Variants in DISP1 observed in about 807,000 individuals in gnomAD.
DISP1 encodes the protein protein dispatched homolog 1.
DISP1 carries 30 observed loss-of-function variants against 37.3 expected under a neutral mutation model. The ratio of observed to expected loss-of-function variants is 0.80; its 90% CI spans 0.60 to 1.09. The LOEUF (loss-of-function observed/expected upper bound fraction) is 1.09. DISP1 is among the 50% of genes least tolerant of loss of function. The probability of loss-of-function intolerance (pLI) is 0.00; values close to 1 mark genes in which losing one functional copy is unlikely to be tolerated. For missense variants in DISP1, 1,598 were observed against 1,879.5 expected (o/e 0.85, Z 2.77); for synonymous variants, 634 against 690.2 (o/e 0.92, Z 1.28).
chr1:222,944,596 T>A (rs9651261), intron 3 of DISP1, among the ~76,000 whole-genome samples: 64,528 of 152,020 alleles, frequency 0.42, 13,898 homozygotes, highest in Middle Eastern at 0.55. Flanking sequence ...GTAGAACATT[T>A]CTGTCACCCC....
In DISP1 at chr1:222,940,451, C is replaced by T. The variant is rs146524599; in HGVS notation, c.-17-2356C>T. Among the ~76,000 whole-genome samples the T allele has an allele frequency of 8.5e-4, 130 of 152,292 alleles. 2 individuals carry two copies. Among genetic ancestry groups the T allele is most frequent in the African/African-American group, 2.7e-3 (112 of 41,564 alleles). Reference sequence around the variant, plus strand: ...CTCCCACCACGCCCCACCTCCAACACTGAGGATTACAGTTCGACATGAGAT... The same window carrying T: ...CTCCCACCACGCCCCACCTCCAACATTGAGGATTACAGTTCGACATGAGAT... On this transcript the variant is annotated intron_variant, in intron 2 of 8. Coordinates refer to ENST00000675850, the MANE Select transcript of DISP1 (RefSeq NM_001377229.1).
chr1:222,905,269 G>A (rs1023990879), intron 1 of DISP1, among the ~76,000 whole-genome samples: 4 of 152,060 alleles, frequency 2.6e-5, no homozygotes, highest in Non-Finnish European at 5.9e-5. Context: ...AGTAATGCTC[G>A]GAATGGAAAA....
chr1:222,866,269 A>G (rs1669185522), intron 1 of DISP1, among the ~76,000 whole-genome samples: 1 of 151,658 alleles, frequency 6.6e-6, no homozygotes, highest in Non-Finnish European at 1.5e-5. Flanking sequence ...CTTGCCTTTT[A>G]TAGGAGAATT....
rs1209568214 is a variant in DISP1, at chr1:222,873,949, G to C, written c.-158-54481G>C. Among the ~76,000 whole-genome samples the C allele has an allele frequency of 2.0e-5, 3 of 152,208 alleles. No homozygotes were observed. The South Asian group carries it at 6.2e-4, about 32-fold the overall frequency. Reference sequence around the variant, plus strand: ...TCCATGTTTAGTGCTTCCTTCAGGAGCTCTTTTAGGGCAGGCCTGGTGGTG... The same window carrying C: ...TCCATGTTTAGTGCTTCCTTCAGGACCTCTTTTAGGGCAGGCCTGGTGGTG... On this transcript the variant is annotated intron_variant, in intron 1 of 8. Coordinates refer to ENST00000675850, the MANE Select transcript of DISP1 (RefSeq NM_001377229.1).
intron 1 of DISP1, among the ~76,000 whole-genome samples, chr1:222,843,096 A>G (rs1381804633): frequency 6.6e-6 from 1 of 152,042 alleles, no homozygotes; most frequent in African/African-American, 2.4e-5. Context: ...GAGGACTTTA[A>G]TCTCTCACTT....
At position 223,003,163 on chromosome 1, in the gene DISP1, C is replaced by G; in HGVS notation, c.1766C>G (p.Pro589Arg). The G allele has an allele frequency of 1.2e-6, 2 of 1,614,182 alleles. No homozygotes were observed. Among genetic ancestry groups the G allele is most frequent in the Non-Finnish European group, 1.7e-6 (2 of 1,180,042 alleles). ...DVWNYTKFDKPHAETSETVSI... is the reference protein window; with the variant it reads ...DVWNYTKFDKRHAETSETVSI... Reference sequence around the variant, plus strand: ...TGGAACTACACAAAATTTGATAAGCCTCATGCCGAAACCTCAGAAACAGTA... The same window carrying G: ...TGGAACTACACAAAATTTGATAAGCGTCATGCCGAAACCTCAGAAACAGTA... Residue 589 changes from proline (P) to arginine (R), a missense_variant, in exon 9 of 9, where the codon CCT becomes CGT. Transcript: ENST00000675850. This position sits in a 1 kb window ranked among gnomAD's most constrained non-coding sequence, Gnocchi z 4.3.
chr1:222,830,528 G>GT (rs901725375), intron 1 of DISP1, among the ~76,000 whole-genome samples: 3 of 151,980 alleles, frequency 2.0e-5, no homozygotes, highest in African/African-American at 7.2e-5. Context: ...CTATAGGCGC[G>GT]TGTCACCATG....
At chr1:222,986,750 G>A (rs1362341884) in intron 4 of DISP1, among the ~76,000 whole-genome samples, 2 of 152,168 alleles carry the variant, frequency 1.3e-5, no homozygotes, top group African/African-American at 2.4e-5. Context: ...ATACAGCAGT[G>A]CCCTGTAAAG....
chr1:222,923,226 C>T (rs1017175065), intron 1 of DISP1, among the ~76,000 whole-genome samples: 3 of 152,062 alleles, frequency 2.0e-5, no homozygotes. Context: ...AGTAAAGAGA[C>T]ATGGTGGTCA....
intron 2 of DISP1, among the ~76,000 whole-genome samples, chr1:222,930,632 G>A (rs2789969): frequency 0.27 from 40,740 of 151,882 alleles, 5,701 homozygotes; most frequent in South Asian, 0.48. Flanking sequence ...ACTGAAAAAT[G>A]TGATTTAATT....
At chr1:222,819,836 G>C (rs367849020) in intron 1 of DISP1, among the ~76,000 whole-genome samples, 1 of 151,904 alleles carries the variant, frequency 6.6e-6, no homozygotes. Context: ...CCACTGCGCC[G>C]AGCTAATATG....
At chr1:222,883,928 T>G (rs890891334) in intron 1 of DISP1, among the ~76,000 whole-genome samples, 2 of 152,172 alleles carry the variant, frequency 1.3e-5, no homozygotes, top group African/African-American at 4.8e-5. Context: ...GGGCTCTGAT[T>G]GTAAGGAAAG....
At chr1:222,816,910 T>G (rs1472299250) in intron 1 of DISP1, among the ~76,000 whole-genome samples, 1 of 152,250 alleles carries the variant, frequency 6.6e-6, no homozygotes, top group Non-Finnish European at 1.5e-5. Context: ...TGATAAGACT[T>G]GATTTTATTT....
intron 2 of DISP1, among the ~76,000 whole-genome samples, chr1:222,936,599 A>C (rs1330750980): frequency 7.0e-5 from 2 of 28,730 alleles, no homozygotes; most frequent in Non-Finnish European, 1.3e-4. Context: ...AGAGATATAT[A>C]TCTCTCATAT....
At chr1:222,936,947 T>TGA (rs1673942724) in intron 2 of DISP1, among the ~76,000 whole-genome samples, 1 of 86,796 alleles carries the variant, frequency 1.2e-5, no homozygotes, top group Non-Finnish European at 2.2e-5. Context: ...ATATTATATA[T>TGA]TACATATTAT....
intron 1 of DISP1, among the ~76,000 whole-genome samples, chr1:222,926,042 C>CA (rs1392684081): frequency 6.6e-6 from 1 of 152,146 alleles, no homozygotes; most frequent in Non-Finnish European, 1.5e-5. Flanking sequence ...TTTCACCATC[C>CA]AAAAATAAAC....
At chr1:222,862,687 C>T (rs1668948105) in intron 1 of DISP1, among the ~76,000 whole-genome samples, 1 of 152,012 alleles carries the variant, frequency 6.6e-6, no homozygotes, top group South Asian at 2.1e-4. Context: ...TATGTGCCAC[C>T]ACGCTTGGGT....
intron 1 of DISP1, among the ~76,000 whole-genome samples, chr1:222,863,115 A>T (rs565191867): frequency 3.9e-5 from 6 of 152,186 alleles, no homozygotes; most frequent in Non-Finnish European, 8.8e-5. Flanking sequence ...AGTACATCAT[A>T]TCTTTAGGCA....
intron 2 of DISP1, among the ~76,000 whole-genome samples, chr1:222,938,687 C>T (rs1005777156): frequency 1.1e-4 from 15 of 136,864 alleles, no homozygotes; most frequent in Non-Finnish European, 1.1e-4. Context: ...AAGCCATGAT[C>T]GCACCAGTGC....
Sources: gnomAD v4.1 joint callset for allele counts (sites outside exome capture counted in the v4.1 genomes callset) on GRCh38, gnomAD v4.1.1 for gene constraint, Gnocchi (gnomAD v3.1) non-coding constraint, MANE v1.5 for transcripts, NCBI Gene and HGNC (gene_info 2026-07-23, HGNC 2026-07-21) for gene names.